Variants in ANKRD30A observed in about 807,000 individuals in gnomAD.
The protein encoded by ANKRD30A is ankyrin repeat domain-containing protein 30A.
In ANKRD30A, 170 loss-of-function variants were observed where a neutral mutation model predicts 166.3. The ratio of observed to expected loss-of-function variants is 1.02; its 90% CI spans 0.90 to 1.16. The LOEUF is 1.16. Among genes scored for constraint, ANKRD30A ranks in the 50% most tolerant of loss-of-function variants. The pLI is 0.00. For synonymous variants in ANKRD30A, 564 were observed against 508.9 expected (o/e 1.11, Z -1.46); for missense variants, 1,630 against 1,518.0 (o/e 1.07, Z -1.23).
intron 27 of ANKRD30A, among the ~76,000 whole-genome samples, chr10:37,196,093 A>ATTTATTTT (rs1554823849): frequency 3.9e-5 from 5 of 129,456 alleles, no homozygotes; most frequent in Non-Finnish European, 8.0e-5. Flanking sequence ...TATATTTTCT[A>ATTTATTTT]TTTTTTTTTT....
chr10:37,263,882 G>A, the ANKRD30A span, among the ~76,000 whole-genome samples: 1 of 152,154 alleles, frequency 6.6e-6, no homozygotes, highest in Non-Finnish European at 1.5e-5. Flanking sequence ...AGAGGAGGAG[G>A]CAGTGAGAAG....
Position 37,130,278 on chromosome 10 carries a change from T to A in ANKRD30A, c.410T>A (p.Val137Glu). The A allele has an allele frequency of 6.2e-7, 1 of 1,605,628 alleles. No homozygotes were observed. The highest frequency in any genetic ancestry group is 8.5e-7 in the Non-Finnish European group (1 of 1,176,204). The change falls in exon 3 of 36, where the codon GTG (valine) becomes GAG (glutamate). Residue 137 changes from valine (V) to glutamate (E), a missense_variant. By Grantham distance (121) the Val-to-Glu change is moderately radical (BLOSUM62 -2). Transcript: ENST00000361713. ...DSGADINLVD[V>E]YGNTALHYAV... ...GGTGCCGATATAAATCTCGTAGATG[T>A]GTATGGCAACACGGCTCTCCATTAT...
chr10:37,160,811 CT>C (rs1484764991), intron 15 of ANKRD30A, among the ~76,000 whole-genome samples: 2 of 152,118 alleles, frequency 1.3e-5, no homozygotes, highest in Non-Finnish European at 2.9e-5. Context: ...TTCTCCACGG[CT>C]TCACATGCTA....
the ANKRD30A span, among the ~76,000 whole-genome samples, chr10:37,252,209 A>G: frequency 6.6e-6 from 1 of 152,202 alleles, no homozygotes; most frequent in Non-Finnish European, 1.5e-5. Context: ...AGTTACCATA[A>G]AAAATGGCTC....
At chr10:37,228,298 G>A (rs1453671072) in intron 34 of ANKRD30A, among the ~76,000 whole-genome samples, 1 of 151,866 alleles carries the variant, frequency 6.6e-6, no homozygotes, top group Non-Finnish European at 1.5e-5. Context: ...AGATTAAATG[G>A]TTAACTTCTT....
At chr10:37,149,013 T>C (rs1371766769) in intron 9 of ANKRD30A, among the ~76,000 whole-genome samples, 1 of 152,066 alleles carries the variant, frequency 6.6e-6, no homozygotes, top group Non-Finnish European at 1.5e-5. Context: ...CATATGTCAA[T>C]ATTGAAAGCT....
intron 9 of ANKRD30A, among the ~76,000 whole-genome samples, chr10:37,148,001 A>G (rs1837630924): frequency 6.6e-6 from 1 of 152,220 alleles, no homozygotes; most frequent in African/African-American, 2.4e-5. Context: ...TATTTGCAAT[A>G]GGTGAGTATT....
chr10:37,217,154 A>C (rs1482524255), intron 32 of ANKRD30A, among the ~76,000 whole-genome samples: 1 of 151,034 alleles, frequency 6.6e-6, no homozygotes, highest in Non-Finnish European at 1.5e-5. Context: ...TTACTCAAAA[A>C]AGAAACAAAA....
chr10:37,183,803 T>C (rs570114422), intron 24 of ANKRD30A, among the ~76,000 whole-genome samples: 27 of 148,316 alleles, frequency 1.8e-4, no homozygotes, highest in Admixed American at 1.4e-3. Flanking sequence ...AATATAATTG[T>C]CAACCACATT....
At chr10:37,152,205 C>G in intron 12 of ANKRD30A, 84 bp downstream of exon 12, 1 of 1,178,628 alleles carries the variant, frequency 8.5e-7, no homozygotes, top group Non-Finnish European at 1.2e-6. Flanking sequence ...TTTATTTTCT[C>G]GCCTCTTCAT....
chr10:37,235,676 G>A (rs1464505254), downstream of ANKRD30A, among the ~76,000 whole-genome samples: 1 of 151,294 alleles, frequency 6.6e-6, no homozygotes, highest in African/African-American at 2.4e-5. Context: ...ACAGTAGCCT[G>A]TCACTAAGTT....
In ANKRD30A at chr10:37,162,597, T is replaced by C. The variant is rs190042196; in HGVS notation, c.1901-52T>C. ...ATACTATCACGGCATTCATTTGTGG[T>C]TGGCTTGTCATATTTACATATGATT... On this transcript the variant is annotated intron_variant, in intron 15 of 35. Transcript: ENST00000361713. 9.7e-4 allele frequency: 1,559 copies of C among 1,603,946 alleles called. 11 individuals carry two copies. The Middle Eastern group carries it at 0.011, about 11-fold the overall frequency.
rs1455167813 is a variant in ANKRD30A at position 37,172,641 on chromosome 10, G to A, written c.2258-1071G>A. 4.0e-5 allele frequency among the ~76,000 whole-genome samples: 5 copies of A among 125,226 alleles called. No individual in the cohort carries two copies. The East Asian group carries it at 1.2e-3, about 30-fold the overall frequency. The allele number at this position is 125,226 out of a possible 152,430, so 82.2% of individuals were successfully genotyped here. A position where few individuals can be genotyped will look rare whatever the true frequency, so the allele number is the denominator to read the frequency against. ...CAGGTAATTCTGGAGACTCTGAGAA[G>A]AACAGTTGAGTGAACTCACTTCAGA... On this transcript the variant is annotated intron_variant, in intron 21 of 35. Coordinates refer to ENST00000361713, the MANE Select transcript of ANKRD30A (RefSeq NM_052997.3).
At chr10:37,217,993 G>A (rs933143100) in intron 33 of ANKRD30A, 115 bp downstream of exon 33, 5 of 664,392 alleles carry the variant, frequency 7.5e-6, no homozygotes, top group African/African-American at 1.9e-5. Flanking sequence ...CAAAAATGTT[G>A]TCTTAAAATT....
Position 37,193,242 on chromosome 10 carries a change from G to A in ANKRD30A, c.2598G>A (p.Met866Ile), listed in dbSNP as rs1840752560. ...IPTKALELMD[M>I]QTFKAEPPEK... The stretch of plus-strand genomic sequence containing the variant: ...CTAAAGCCTTAGAATTGATGGACAT[G>A]CAAACTTTCAAAGCAGGTAAATTTT... The change falls in exon 27 of 36, where the codon ATG becomes ATA. Residue 866 changes from methionine (M) to isoleucine (I), a missense_variant. Physicochemically the swap from Met to Ile is conservative, Grantham distance 10. Coordinates refer to ENST00000361713, the MANE Select transcript of ANKRD30A (RefSeq NM_052997.3). 1.2e-6 allele frequency: 2 copies of A among 1,610,964 alleles called. No individual in the cohort carries two copies. The highest frequency in any genetic ancestry group is 1.7e-6 in the Non-Finnish European group (2 of 1,178,992).
At chr10:37,244,857 C>T in the ANKRD30A span, among the ~76,000 whole-genome samples, 2 of 152,190 alleles carry the variant, frequency 1.3e-5, no homozygotes, top group African/African-American at 4.8e-5. Flanking sequence ...CAGGGTGGTG[C>T]TCCCACACTT....
At chr10:37,195,049 A>T (rs1421627284) in intron 27 of ANKRD30A, among the ~76,000 whole-genome samples, 1 of 152,160 alleles carries the variant, frequency 6.6e-6, no homozygotes, top group Admixed American at 6.5e-5. Flanking sequence ...TTCTTAGAAA[A>T]TATCAGTAAA....
In ANKRD30A at chr10:37,166,919, C is replaced by A. The variant is rs561338300; in HGVS notation, c.2155+224C>A. On this transcript the variant is annotated intron_variant, in intron 19 of 35. Coordinates refer to ENST00000361713, the MANE Select transcript of ANKRD30A (RefSeq NM_052997.3). ...ATTACTAGTTTGAATTCAAGATATT[C>A]CAAGACGTGAGGAAAATGAGAAAAT... is the stretch of plus-strand genomic sequence containing the variant. Among the ~76,000 whole-genome samples, 5 of 151,904 alleles carry A rather than the reference C, an allele frequency of 3.3e-5. No homozygotes were observed. The East Asian group carries it at 5.8e-4, about 18-fold the overall frequency.
At position 37,219,610 on chromosome 10, in the gene ANKRD30A, C is replaced by A. The variant is rs199841724; in HGVS notation, c.3898C>A (p.His1300Asn). The A allele has an allele frequency of 1.1e-5, 18 of 1,610,054 alleles. No individual in the cohort carries two copies. In the African/African-American group the frequency reaches 2.4e-4, roughly 22 times the overall value. ...ETQCQMKEAE[H>N]MYQNEQDNVN... ...ACAGTGTCAAATGAAGGAAGCTGAA[C>A]ACATGTATCAAAACGAACAAGATAA... The change falls in exon 34 of 36, where the codon CAC (histidine) becomes AAC (asparagine). Residue 1300 changes from histidine to asparagine, a missense_variant. This residue lies in a region of ANKRD30A where 712 missense variants were observed against 629.3 expected (regional missense o/e 1.13). Coordinates refer to ENST00000361713, the MANE Select transcript of ANKRD30A (RefSeq NM_052997.3).
Sources: gnomAD v4.1 joint callset for allele counts (sites outside exome capture counted in the v4.1 genomes callset) on GRCh38, gnomAD v4.1.1 for gene constraint, gnomAD v4.1.1 regional missense constraint, MANE v1.5 for transcripts, NCBI Gene and HGNC (gene_info 2026-07-23, HGNC 2026-07-21) for gene names.